Variants in MEAF6 observed in about 807,000 individuals in gnomAD.
MEAF6 encodes the protein chromatin modification-related protein MEAF6.
MEAF6 carries 15 observed loss-of-function variants against 28.9 expected under a neutral mutation model. The observed-to-expected ratio is 0.52, with a 90% CI of 0.35 to 0.80. The LOEUF (loss-of-function observed/expected upper bound fraction) is 0.80. MEAF6 is among the 30% of genes least tolerant of loss of function. The probability of loss-of-function intolerance (pLI) is 0.01; values close to 1 mark genes in which losing one functional copy is unlikely to be tolerated. For synonymous variants in MEAF6, 97 were observed against 88.7 expected (o/e 1.09, Z -0.53); for missense variants, 178 against 237.5 (o/e 0.75, Z 1.65).
rs1359076482 is a variant in MEAF6 at position 37,501,944 on chromosome 1, C to G, written c.393G>C (p.Gln131His). 1 of 1,610,636 alleles carries G rather than the reference C, an allele frequency of 6.2e-7. No homozygotes were observed. The highest frequency in any genetic ancestry group is 1.7e-5 in the Admixed American group (1 of 59,952). ...ESDTSPDFHN[Q>H]ENEPSQEDPE... Reference sequence around the variant, plus strand: ...GGTCCTCCTGGCTGGGCTCATTTTCCTGATTGTGGAAGTCTGGAGAAGTGT... The same window carrying G: ...GGTCCTCCTGGCTGGGCTCATTTTCGTGATTGTGGAAGTCTGGAGAAGTGT... The change falls in exon 5 of 7, where the codon CAG becomes CAC. Residue 131 changes from glutamine to histidine, a missense_variant. Gln to His is a conservative substitution (Grantham distance 24). Coordinates refer to ENST00000296214, the MANE Select transcript of MEAF6 (RefSeq NM_001270875.3).
Position 37,493,444 on chromosome 1 carries a change from A to G in MEAF6, c.*655T>C. On this transcript the variant is annotated 3_prime_UTR_variant, in exon 7 of 7. Coordinates refer to ENST00000296214, the MANE Select transcript of MEAF6 (RefSeq NM_001270875.3). ...CTACCAACTCAGAAAGATTTAAGAT[A>G]GGTAATTACTAAACACTCTTTACCT... is the stretch of plus-strand genomic sequence containing the variant. 1 of 313,232 alleles carries G rather than the reference A, an allele frequency of 3.2e-6. No individual in the cohort carries two copies. Among genetic ancestry groups the G allele is most frequent in the African/African-American group, 2.1e-5 (1 of 46,682 alleles). The allele number at this position is 313,232 out of a possible 1,614,324, so 19.4% of individuals were successfully genotyped here.
chr1:37,508,019 G>A (rs1291101941), intron 4 of MEAF6, among the ~76,000 whole-genome samples: 1 of 151,988 alleles, frequency 6.6e-6, no homozygotes. Context: ...TATACCTTCT[G>A]AAAGAAGTAC....
intron 4 of MEAF6, among the ~76,000 whole-genome samples, chr1:37,508,997 C>T (rs1424239517): frequency 2.6e-5 from 4 of 152,036 alleles, no homozygotes; most frequent in African/African-American, 4.8e-5. Flanking sequence ...CTTGGGAGGC[C>T]GAGGCAGGAG....
intron 2 of MEAF6, among the ~76,000 whole-genome samples, chr1:37,510,312 A>C (rs1569987665): frequency 7.0e-6 from 1 of 141,962 alleles, no homozygotes; most frequent in African/African-American, 2.7e-5. Context: ...CGAACTCCTG[A>C]CCTCATGATC....
intron 2 of MEAF6, among the ~76,000 whole-genome samples, chr1:37,510,733 T>TA (rs1491029024): frequency 1.3e-5 from 2 of 151,968 alleles, no homozygotes; most frequent in Admixed American, 1.3e-4. Flanking sequence ...TATTTATATA[T>TA]TTTTTTGAGA....
intron 4 of MEAF6, among the ~76,000 whole-genome samples, chr1:37,504,608 T>TAA (rs1255986425): frequency 6.6e-6 from 1 of 151,050 alleles, no homozygotes; most frequent in African/African-American, 2.4e-5. Flanking sequence ...CCACCTCTAC[T>TAA]AAAAATACAA....
rs1451458943 is a variant in MEAF6, at chr1:37,493,797, T to C, written c.*302A>G. Reference sequence around the variant, plus strand: ...CAGATGAAGCTGGTGCCAGCCAGTTTTGGGGGAGACATTCATTCTAAGAAG... The same window carrying C: ...CAGATGAAGCTGGTGCCAGCCAGTTCTGGGGGAGACATTCATTCTAAGAAG... On this transcript the variant is annotated 3_prime_UTR_variant, in exon 7 of 7. Transcript: ENST00000296214. The C allele has an allele frequency of 3.2e-6, 5 of 1,550,710 alleles. No individual in the cohort carries two copies. Among genetic ancestry groups the C allele is most frequent in the African/African-American group, 1.4e-5 (1 of 73,034 alleles).
intron 2 of MEAF6, among the ~76,000 whole-genome samples, chr1:37,512,048 C>T (rs2148091254): frequency 6.6e-6 from 1 of 152,228 alleles, no homozygotes; most frequent in South Asian, 2.1e-4. Context: ...TGTCATTTAC[C>T]TGCATCTAAC....
At chr1:37,510,381 AT>A (rs34785696) in intron 2 of MEAF6, among the ~76,000 whole-genome samples, 1,058 of 94,990 alleles carry the variant, frequency 0.011, 5 homozygotes, top group African/African-American at 0.04. Flanking sequence ...GCACCTAGCC[AT>A]TTTTTTTTTT....
At chr1:37,508,004 C>G (rs1329709719) in intron 4 of MEAF6, among the ~76,000 whole-genome samples, 1 of 151,984 alleles carries the variant, frequency 6.6e-6, no homozygotes, top group Non-Finnish European at 1.5e-5. Flanking sequence ...GATCCAACAA[C>G]AAGATATACC....
intron 4 of MEAF6, among the ~76,000 whole-genome samples, chr1:37,504,267 CTG>C (rs1297881070): frequency 4.6e-5 from 7 of 152,230 alleles, no homozygotes; most frequent in African/African-American, 1.7e-4. Context: ...CCATGTAGAA[CTG>C]TGAGTCAATT....
chr1:37,512,453 A>G (rs1419612976), intron 2 of MEAF6, among the ~76,000 whole-genome samples: 1 of 152,186 alleles, frequency 6.6e-6, no homozygotes, highest in Non-Finnish European at 1.5e-5. Flanking sequence ...CAATTTGTGA[A>G]TATAGGTAGG....
At chr1:37,513,924 G>A in intron 1 of MEAF6, 1 of 244,938 alleles carries the variant, frequency 4.1e-6, no homozygotes. Context: ...GCGTCAACTC[G>A]CTCCCCTCCC....
chr1:37,501,908 C>T lies in MEAF6; in HGVS notation c.429G>A (p.Leu143=). 6.2e-7 allele frequency: 1 copy of T among 1,611,644 alleles called. No homozygotes were observed. The change falls in exon 5 of 7, where the codon CTG becomes CTA. Residue 143 remains leucine, a synonymous_variant. Transcript: ENST00000296214. ...GTTTCACTCCCTGCACAGATCCATC[C>T]AGATCCTCAGGGTCCTCCTGGCTGG... The part of the protein sequence containing the change: ...NEPSQEDPED[L]DGSVQGVKPQ...
chr1:37,491,887 A>C lies in MEAF6; in HGVS notation c.*2212T>G, dbSNP rs1350194262. ...ACTGCAGTTTCATAAATACGTAAAT[A>C]ATCTTTTTAAGAGCAGTACTATTCT... On this transcript the variant is annotated 3_prime_UTR_variant, in exon 7 of 7. Transcript: ENST00000296214. Among the ~76,000 whole-genome samples the C allele has an allele frequency of 6.6e-6, 1 of 151,252 alleles. No individual in the cohort carries two copies. The highest frequency in any genetic ancestry group is 1.5e-5 in the Non-Finnish European group (1 of 67,872).
At chr1:37,505,490 A>AT (rs1286278102) in intron 4 of MEAF6, among the ~76,000 whole-genome samples, 1 of 152,112 alleles carries the variant, frequency 6.6e-6, no homozygotes, top group Non-Finnish European at 1.5e-5. Flanking sequence ...TTTTTTTGTG[A>AT]TTTTTTGTTC....
At chr1:37,511,182 T>C (rs1569989682) in intron 2 of MEAF6, among the ~76,000 whole-genome samples, 1 of 152,278 alleles carries the variant, frequency 6.6e-6, no homozygotes, top group East Asian at 1.9e-4. Context: ...AAAAGGTAAG[T>C]ATGGGACATC....
chr1:37,512,911 C>T lies in MEAF6; in HGVS notation c.206+512G>A, dbSNP rs932371651. On this transcript the variant is annotated intron_variant, in intron 2 of 6. Coordinates refer to ENST00000296214, the MANE Select transcript of MEAF6 (RefSeq NM_001270875.3). ...TGTCTCTTAGAAAAAAGAAAAGTGG[C>T]CAGGCGTGGTGGCTCACACCTGTAA... is the stretch of plus-strand genomic sequence containing the variant. Among the ~76,000 whole-genome samples, 36 of 151,140 alleles carry T rather than the reference C, an allele frequency of 2.4e-4. 1 individual carries two copies. Among genetic ancestry groups the T allele is most frequent in the Non-Finnish European group, 5.9e-5 (4 of 67,822 alleles).
At position 37,514,760 on chromosome 1, in the gene MEAF6, G is replaced by T. The variant is rs549130594; in HGVS notation, c.-14C>A. 9.7e-6 allele frequency: 14 copies of T among 1,443,836 alleles called. No individual in the cohort carries two copies. In the African/African-American group the frequency reaches 1.5e-4, roughly 15 times the overall value. The allele number at this position is 1,443,836 out of a possible 1,614,324, so 89.4% of individuals were successfully genotyped here. A position where few individuals can be genotyped will look rare whatever the true frequency, so the allele number is the denominator to read the frequency against. On this transcript the variant is annotated 5_prime_UTR_variant, in exon 1 of 7. Transcript: ENST00000296214. ...GTGCATCGCCATGTTGGGCTGAGGC[G>T]GGCGGCGGCGGCGCGAGGTTGGGGG...
Sources: gnomAD v4.1 joint callset for allele counts (sites outside exome capture counted in the v4.1 genomes callset) on GRCh38, gnomAD v4.1.1 for gene constraint, MANE v1.5 for transcripts, NCBI Gene and HGNC (gene_info 2026-07-23, HGNC 2026-07-21) for gene names.